PARD6G: variants seen among roughly 807,000 people sequenced by gnomAD.
The protein encoded by PARD6G is par-6 family cell polarity regulator gamma, also known as partitioning defective 6 homolog gamma.
In PARD6G, 7 loss-of-function variants were observed where a neutral mutation model predicts 10.7. The observed-to-expected ratio is 0.66, with a 90% CI of 0.37 to 1.23. The LOEUF is 1.23. Ranked by LOEUF, PARD6G falls within the 50% of genes most tolerant of loss-of-function variation. The pLI is 0.02. For synonymous variants in PARD6G, 287 were observed against 269.4 expected (o/e 1.07, Z -0.64); for missense variants, 548 against 571.8 (o/e 0.96, Z 0.42).
Position 80,221,720 on chromosome 18 carries a change from A to ATAC in PARD6G, c.73-18789_73-18788insGTA, listed in dbSNP as rs1221007972. On this transcript the variant is annotated intron_variant, in intron 1 of 2. Transcript: ENST00000353265. ...CGACCCAGGAAAGGCAAGAAAATAA[A>ATAC]AGACATCAGATTGGAATGGAAGAAG... Among the ~76,000 whole-genome samples the ATAC allele has an allele frequency of 2.0e-5, 3 of 152,378 alleles. No homozygotes were observed. In the East Asian group the frequency reaches 5.8e-4, roughly 29 times the overall value.
intron 1 of PARD6G, among the ~76,000 whole-genome samples, chr18:80,227,268 T>C (rs2145298890): frequency 6.6e-6 from 1 of 152,322 alleles, no homozygotes; most frequent in South Asian, 2.1e-4. Flanking sequence ...AGTTTTAAAA[T>C]AAAACTCTAG....
rs1293885507 is a variant in PARD6G at position 80,183,266 on chromosome 18, C to T, written c.295+19444G>A. ...AGATAGGCATGGAGAAGAGCAAAGC[C>T]GCATACAGGCATAGTGGAAAAGTAC... is the stretch of plus-strand genomic sequence containing the variant. On this transcript the variant is annotated intron_variant, in intron 2 of 2. Coordinates refer to ENST00000353265, the MANE Select transcript of PARD6G (RefSeq NM_032510.4). This position sits in a 1 kb window ranked among gnomAD's most constrained non-coding sequence, Gnocchi z 4.5. 9 of 684,058 alleles carry T rather than the reference C, an allele frequency of 1.3e-5. No homozygotes were observed. The highest frequency in any genetic ancestry group is 4.6e-5 in the South Asian group (3 of 65,700). 42.4% of individuals were successfully genotyped at this position (684,058 alleles called of 1,614,324 possible). A position where few individuals can be genotyped will look rare whatever the true frequency, so the allele number is the denominator to read the frequency against.
At chr18:80,203,286 A>G (rs1967026229) in intron 1 of PARD6G, among the ~76,000 whole-genome samples, 1 of 152,186 alleles carries the variant, frequency 6.6e-6, no homozygotes, top group Non-Finnish European at 1.5e-5. Context: ...AAGGACAAGT[A>G]TTTATTAATT....
chr18:80,178,062 C>G (rs553836789), intron 2 of PARD6G: 1 of 167,136 alleles, frequency 6.0e-6, no homozygotes, highest in South Asian at 2.1e-4. Context: ...AAGAAACTTT[C>G]TTTTCTGTGC....
At chr18:80,243,271 T>C (rs926718751) in intron 1 of PARD6G, among the ~76,000 whole-genome samples, 3 of 152,218 alleles carry the variant, frequency 2.0e-5, no homozygotes, top group African/African-American at 7.2e-5. Flanking sequence ...TCTTTTCTGT[T>C]GTCTAAAAAT....
chr18:80,167,868 TA>T (rs1415981870), intron 2 of PARD6G, among the ~76,000 whole-genome samples: 1 of 152,104 alleles, frequency 6.6e-6, no homozygotes, highest in Non-Finnish European at 1.5e-5. Context: ...CATGGGTTCA[TA>T]AACTAATTCT....
At chr18:80,195,653 G>A (rs1259485359) in intron 2 of PARD6G, among the ~76,000 whole-genome samples, 8 of 146,430 alleles carry the variant, frequency 5.5e-5, no homozygotes, top group Non-Finnish European at 7.5e-5. Flanking sequence ...TGAGGTGGAC[G>A]GATCACCTGA....
At chr18:80,245,334 T>C (rs973607777) in intron 1 of PARD6G, among the ~76,000 whole-genome samples, 6 of 152,142 alleles carry the variant, frequency 3.9e-5, no homozygotes, top group South Asian at 2.1e-4. Flanking sequence ...AAGTGAGTCT[T>C]TAACGCTCAT....
In PARD6G at chr18:80,246,686, T is replaced by G. The variant is rs1422465309; in HGVS notation, c.72+591A>C. ...CGCGCCCGGGGAGGCGTGGTCTGGG[T>G]CTGGGCCGGGGGAGAGCCGGGTGCG... On this transcript the variant is annotated intron_variant, in intron 1 of 2. Transcript: ENST00000353265. This position sits in a 1 kb window ranked among gnomAD's most constrained non-coding sequence, Gnocchi z 6.7. 6.7e-6 allele frequency among the ~76,000 whole-genome samples: 1 copy of G among 149,656 alleles called. No individual in the cohort carries two copies. Among genetic ancestry groups the G allele is most frequent in the Non-Finnish European group, 1.5e-5 (1 of 67,400 alleles).
At chr18:80,239,649 C>G (rs551844671) in intron 1 of PARD6G, among the ~76,000 whole-genome samples, 11 of 152,324 alleles carry the variant, frequency 7.2e-5, no homozygotes, top group Admixed American at 4.6e-4. Flanking sequence ...TCTCTGAGCA[C>G]TGAGAAACTC....
chr18:80,195,580 T>TATATATATATATATG (rs1217519591), intron 2 of PARD6G, among the ~76,000 whole-genome samples: 1 of 134,302 alleles, frequency 7.4e-6, no homozygotes, highest in Admixed American at 7.6e-5. Context: ...TATACACACA[T>TATATATATATATATG]TTTTTTTTCT....
chr18:80,160,812 C>T (rs1447234450), intron 2 of PARD6G, among the ~76,000 whole-genome samples: 3 of 152,236 alleles, frequency 2.0e-5, no homozygotes, highest in African/African-American at 7.2e-5. Context: ...CTCCTTACAG[C>T]TCCACAGGCA....
In PARD6G at chr18:80,208,347, C is replaced by T. The variant is rs568051925; in HGVS notation, c.73-5415G>A. 9.8e-5 allele frequency among the ~76,000 whole-genome samples: 15 copies of T among 152,298 alleles called. No homozygotes were observed. In the East Asian group the frequency reaches 2.9e-3, roughly 29 times the overall value. The stretch of plus-strand genomic sequence containing the variant: ...GGCTTCATGTGACATTTGAAGACCA[C>T]AACATCAGAGTTCAGGGATCACTAT... On this transcript the variant is annotated intron_variant, in intron 1 of 2. Coordinates refer to ENST00000353265, the MANE Select transcript of PARD6G (RefSeq NM_032510.4).
At chr18:80,197,035 G>A (rs1966963629) in intron 2 of PARD6G, among the ~76,000 whole-genome samples, 1 of 151,502 alleles carries the variant, frequency 6.6e-6, no homozygotes, top group Admixed American at 6.6e-5. Flanking sequence ...GTTCCCATAA[G>A]CACATGGACA....
chr18:80,169,625 G>A (rs1276444810), intron 2 of PARD6G: 1 of 152,244 alleles, frequency 6.6e-6, no homozygotes, highest in African/African-American at 2.4e-5. Flanking sequence ...AGTGTTCCTT[G>A]TTCTCAAACC....
rs1460318459 is a variant in PARD6G at position 80,159,858 on chromosome 18, C to T, written c.1044G>A (p.Leu348=). 6.6e-7 allele frequency: 1 copy of T among 1,509,404 alleles called. No homozygotes were observed. Among genetic ancestry groups the T allele is most frequent in the South Asian group, 1.3e-5 (1 of 79,670 alleles). 93.5% of individuals were successfully genotyped at this position (1,509,404 alleles called of 1,614,324 possible). The part of the protein sequence containing the change: ...DLALDGGLQR[L]LSSLRADPRH... ...GGGGGTCGGCCCGCAGGGAGCTGAG[C>T]AGCCGCTGGAGGCCGCCGTCCAGGG... Residue 348 remains leucine (L), a synonymous_variant, in exon 3 of 3, where the codon CTG becomes CTA. Coordinates refer to ENST00000353265, the MANE Select transcript of PARD6G (RefSeq NM_032510.4).
intron 1 of PARD6G, among the ~76,000 whole-genome samples, chr18:80,214,936 AAGAG>A (rs548128832): frequency 6.6e-6 from 1 of 152,156 alleles, no homozygotes; most frequent in Non-Finnish European, 1.5e-5. Flanking sequence ...TGCCAAAAAA[AAGAG>A]AGAGAGAATC....
rs1452924019 is a variant in PARD6G at position 80,202,682 on chromosome 18, C to CTCAACCACT, written c.295+27_295+28insAGTGGTTGA. On this transcript the variant is annotated intron_variant, in intron 2 of 2. Transcript: ENST00000353265. ...TTTTAAAAATGATTTCTCAACAAGA[C>CTCAACCACT]CAGCCGGCCACTCAACCACTTCAGT... The CTCAACCACT allele has an allele frequency of 5.7e-6, 9 of 1,584,228 alleles. 1 individual carries two copies. The highest frequency in any genetic ancestry group is 1.3e-5 in the African/African-American group (1 of 74,238).
chr18:80,219,174 G>A (rs1967203046), intron 1 of PARD6G, among the ~76,000 whole-genome samples: 1 of 151,652 alleles, frequency 6.6e-6, no homozygotes, highest in African/African-American at 2.4e-5. Flanking sequence ...AATTTCTGCA[G>A]TAGGCTTGAA....
Sources: allele counts gnomAD v4.1 joint callset (sites outside exome capture counted in the v4.1 genomes callset), GRCh38; gene constraint gnomAD v4.1.1; non-coding constraint Gnocchi (gnomAD v3.1); transcripts MANE v1.5; gene names NCBI Gene and HGNC (gene_info 2026-07-23, HGNC 2026-07-21).